CLDN14: variants seen among roughly 807,000 people sequenced by gnomAD.
The protein encoded by CLDN14 is claudin 14.
Under a neutral mutation model 2.1 loss-of-function variants are expected in CLDN14, and 2 were observed. The ratio of observed to expected loss-of-function variants is 0.96; its 90% confidence interval spans 0.39 to 3.01. The LOEUF is 3.01. CLDN14 is among the 30% of genes most tolerant of loss of function. The probability of loss-of-function intolerance (pLI) is 0.09; values close to 1 mark genes in which losing one functional copy is unlikely to be tolerated. For synonymous variants in CLDN14, 136 were observed against 154.4 expected, an observed-to-expected ratio of 0.88 and a Z score of 0.88; for missense variants, 298 against 328.0, an observed-to-expected ratio of 0.91 and a Z score of 0.71.
intron 1 of CLDN14, among the ~76,000 whole-genome samples, chr21:36,478,348 C>T (rs993979610): frequency 5.3e-5 from 8 of 152,206 alleles, no homozygotes; most frequent in African/African-American, 1.9e-4. Flanking sequence ...TCTGACTAAT[C>T]TTGGGCAAGC....
At chr21:36,493,357 A>G (rs944351730) in intron 2 of CLDN14, among the ~76,000 whole-genome samples, 17 of 152,204 alleles carry the variant, frequency 1.1e-4, no homozygotes, top group Admixed American at 8.5e-4. Context: ...AAATGGCAAG[A>G]CACATTAAGC....
chr21:36,480,231 C>T (rs1001451569), upstream of CLDN14: 3 of 152,338 alleles, frequency 2.0e-5, no homozygotes, highest in African/African-American at 4.8e-5. Context: ...TTTTCTACAG[C>T]TGCAGCTGTG....
Position 36,489,131 on chromosome 21 carries a change from AAT to A in CLDN14, c.-82+21230_-82+21231del, listed in dbSNP as rs1555847001. On this transcript the variant is annotated intron_variant, in intron 2 of 2. Transcript: ENST00000342108. ...TCTGTCTCAAAGAAAAAAAAAAAAA[AAT>A]ATATATATATATATATATATATATG... 1.6e-3 allele frequency among the ~76,000 whole-genome samples: 102 copies of A among 62,752 alleles called. 2 individuals are homozygous for A. The highest frequency in any genetic ancestry group is 5.3e-3 in the East Asian group (13 of 2,454). 41.2% of individuals were successfully genotyped at this position (62,752 alleles called of 152,430 possible).
intron 1 of CLDN14, among the ~76,000 whole-genome samples, chr21:36,464,974 T>C (rs1319081127): frequency 6.6e-6 from 1 of 152,180 alleles, no homozygotes; most frequent in Non-Finnish European, 1.5e-5. Flanking sequence ...CTCAGAACAA[T>C]GGCCTTGCCC....
At chr21:36,482,368 T>A (rs1483590553), upstream of CLDN14, among the ~76,000 whole-genome samples, 1 of 124,434 alleles carries the variant, frequency 8.0e-6, no homozygotes, top group African/African-American at 3.2e-5. Flanking sequence ...ATGGATAGAC[T>A]GACGGATGGA....
At chr21:36,465,200 T>TTG (rs2086630024) in intron 1 of CLDN14, among the ~76,000 whole-genome samples, 2 of 152,162 alleles carry the variant, frequency 1.3e-5, no homozygotes, top group African/African-American at 4.8e-5. Flanking sequence ...CCACACAGGG[T>TTG]GTCCCTGGTC....
chr21:36,528,525 T>C (rs1279146032), intron 1 of CLDN14, among the ~76,000 whole-genome samples: 1 of 152,244 alleles, frequency 6.6e-6, no homozygotes, highest in Non-Finnish European at 1.5e-5. Context: ...TCCCAGTTTC[T>C]GCTCTTCCTA....
chr21:36,512,554 T>C (rs1401446212), intron 1 of CLDN14, among the ~76,000 whole-genome samples: 1 of 152,204 alleles, frequency 6.6e-6, no homozygotes, highest in Non-Finnish European at 1.5e-5. Context: ...TCCGGAATAA[T>C]ATTCAGCCAT....
rs918544444 is a variant in CLDN14 at position 36,515,059 on chromosome 21, A to G, written c.-219-4559T>C. On this transcript the variant is annotated intron_variant, in intron 1 of 2. Coordinates refer to the CLDN14 transcript ENST00000342108. ...ATCAAAAACCAAAACCCTTGAAAAC[A>G]GCAAGTGTTGGTGACTGTGTGGAGA... 1.7e-4 allele frequency among the ~76,000 whole-genome samples: 26 copies of G among 152,330 alleles called. 1 individual carries two copies. The South Asian group carries it at 2.9e-3, about 17-fold the overall frequency.
chr21:36,487,281 C>A (rs2086908299), intron 2 of CLDN14: 4 of 218,714 alleles, frequency 1.8e-5, no homozygotes, highest in Non-Finnish European at 3.7e-5. Context: ...CTGCGCCCGG[C>A]CTGTTGTGGG....
intron 1 of CLDN14, among the ~76,000 whole-genome samples, chr21:36,519,601 T>C (rs2087254111): frequency 6.6e-6 from 1 of 152,108 alleles, no homozygotes; most frequent in East Asian, 1.9e-4. Flanking sequence ...TCCCAGCTAC[T>C]TGGGAGGCTG....
chr21:36,575,183 T>C (rs1057152724), intron 1 of CLDN14, among the ~76,000 whole-genome samples: 36 of 152,224 alleles, frequency 2.4e-4, no homozygotes, highest in African/African-American at 8.4e-4. Flanking sequence ...TCTGCCGTCA[T>C]GCAGTGTGCA....
Position 36,501,332 on chromosome 21 carries a change from C to CTTTTTTTTTTTTT in CLDN14, c.-82+9018_-82+9030dup, listed in dbSNP as rs58458004. On this transcript the variant is annotated intron_variant, in intron 2 of 2. Coordinates refer to the CLDN14 transcript ENST00000342108. ...AATGGGAGTTTCAGTCAATATCTCA[C>CTTTTTTTTTTTTT]TTTTTTTTTTTTTTTTTTTTTTTTT... Among the ~76,000 whole-genome samples, 151 of 48,444 alleles carry CTTTTTTTTTTTTT rather than the reference C, an allele frequency of 3.1e-3. 46 individuals carry two copies. The highest frequency in any genetic ancestry group is 4.1e-3 in the Non-Finnish European group (95 of 23,302). The allele number at this position is 48,444 out of a possible 152,430, so 31.8% of individuals were successfully genotyped here. A position where few individuals can be genotyped will look rare whatever the true frequency, so the allele number is the denominator to read the frequency against.
At chr21:36,464,749 A>G (rs2086624468) in intron 1 of CLDN14, among the ~76,000 whole-genome samples, 1 of 152,200 alleles carries the variant, frequency 6.6e-6, no homozygotes, top group African/African-American at 2.4e-5. Context: ...GTTTATTCCC[A>G]ACAACCTAAT....
At position 36,573,703 on chromosome 21, in the gene CLDN14, T is replaced by C. The variant is rs1043440119; in HGVS notation, c.-220+2708A>G. Among the ~76,000 whole-genome samples, 3 of 152,200 alleles carry C rather than the reference T, an allele frequency of 2.0e-5. No homozygotes were observed. In the East Asian group the frequency reaches 5.8e-4, roughly 29 times the overall value. ...ATCTACAAAACTATCACTAGAATTA[T>C]GTGGATTTAACAAGGCTATAATATA... On this transcript the variant is annotated intron_variant, in intron 1 of 2. Transcript: ENST00000342108.
At chr21:36,538,538 C>G (rs1286904047) in intron 1 of CLDN14, among the ~76,000 whole-genome samples, 1 of 152,066 alleles carries the variant, frequency 6.6e-6, no homozygotes, top group South Asian at 2.1e-4. Flanking sequence ...CGCTTGAACC[C>G]GGAAGATGGA....
chr21:36,506,834 A>G (rs994539947), intron 2 of CLDN14, among the ~76,000 whole-genome samples: 1 of 152,030 alleles, frequency 6.6e-6, no homozygotes, highest in Non-Finnish European at 1.5e-5. Flanking sequence ...AAGAGTTACA[A>G]GAGGCCAGGT....
intron 1 of CLDN14, among the ~76,000 whole-genome samples, chr21:36,475,169 C>T (rs2086761281): frequency 3.3e-5 from 5 of 152,122 alleles, no homozygotes; most frequent in East Asian, 1.9e-4. Context: ...AACTGCACTG[C>T]GAGGGTCCCA....
chr21:36,541,117 A>G (rs955406304), intron 1 of CLDN14, among the ~76,000 whole-genome samples: 5 of 152,218 alleles, frequency 3.3e-5, no homozygotes, highest in African/African-American at 9.6e-5. Context: ...GGTGGTGCCA[A>G]TTCCAGAGAG....
Sources: gnomAD v4.1 joint callset for allele counts (sites outside exome capture counted in the v4.1 genomes callset) on GRCh38, gnomAD v4.1.1 for gene constraint, MANE v1.5 for transcripts, NCBI Gene and HGNC (gene_info 2026-07-23, HGNC 2026-07-21) for gene names.